Variants in ASS1 observed in about 807,000 individuals in gnomAD.
ASS1 encodes the protein argininosuccinate synthase.
Under a neutral mutation model 60.5 loss-of-function variants are expected in ASS1, and 58 were observed. The observed-to-expected ratio is 0.96, with a 90% CI of 0.78 to 1.19. The LOEUF is 1.19. Among genes scored for constraint, ASS1 ranks in the 50% most tolerant of loss-of-function variants. The probability of loss-of-function intolerance (pLI) is 0.00; values close to 1 mark genes in which losing one functional copy is unlikely to be tolerated. For synonymous variants in ASS1, 200 were observed against 206.9 expected (o/e 0.97, Z 0.29); for missense variants, 454 against 547.3 (o/e 0.83, Z 1.70).
In ASS1 at chr9:130,479,107, CA is replaced by C. The variant is rs776685739; in HGVS notation, c.689-608del. Among the ~76,000 whole-genome samples the C allele has an allele frequency of 6.5e-3, 988 of 152,068 alleles. 15 individuals are homozygous for C. The highest frequency in any genetic ancestry group is 0.02 in the African/African-American group (839 of 41,500). ...CAACCCCGAACCCACCCACTGCCCC[CA>C]CCCAACCCCTTCCCTCCTGCCACCC... On this transcript the variant is annotated intron_variant, in intron 9 of 14. Transcript: ENST00000352480.
At position 130,492,807 on chromosome 9, in the gene ASS1, G is replaced by A. The variant is rs570358295; in HGVS notation, c.971-2060G>A. Among the ~76,000 whole-genome samples, 9 of 152,314 alleles carry A rather than the reference G, an allele frequency of 5.9e-5. No individual in the cohort carries two copies. In the East Asian group the frequency reaches 1.7e-3, roughly 29 times the overall value. ...GGGTCCCTCTCCAGCTCAGCCCTAA[G>A]CCCCACCCACAGTGATCTGCAGGTC... is the stretch of plus-strand genomic sequence containing the variant. On this transcript the variant is annotated intron_variant, in intron 12 of 14. Transcript: ENST00000352480.
At chr9:130,500,527 C>G (rs1265559717) in intron 14 of ASS1, among the ~76,000 whole-genome samples, 1 of 152,138 alleles carries the variant, frequency 6.6e-6, no homozygotes, top group Non-Finnish European at 1.5e-5. Context: ...TCTCCCAGAG[C>G]CAGTCTCTTG....
intron 11 of ASS1, among the ~76,000 whole-genome samples, chr9:130,481,248 C>T (rs561662065): frequency 6.6e-6 from 1 of 152,242 alleles, no homozygotes; most frequent in Non-Finnish European, 1.5e-5. Flanking sequence ...TGAGGGTCTG[C>T]CAGTGTGTGA....
At chr9:130,446,044 G>A (rs1387751478) in intron 1 of ASS1, among the ~76,000 whole-genome samples, 1 of 152,168 alleles carries the variant, frequency 6.6e-6, no homozygotes, top group African/African-American at 2.4e-5. Flanking sequence ...CAGAGATGTG[G>A]ACTCGTCATG....
chr9:130,489,485 G>A lies in ASS1; in HGVS notation c.970+21G>A, dbSNP rs376668544. On this transcript the variant is annotated intron_variant, in intron 12 of 14. Coordinates refer to ENST00000352480, the MANE Select transcript of ASS1 (RefSeq NM_054012.4). This position sits in a 1 kb window ranked among gnomAD's most constrained non-coding sequence, Gnocchi z 4.1. ...TACCGGTGCGTAAGACTCTATGGCT[G>A]CCCCCTCTAACCGCCTCACAAGGGA... 9.3e-6 allele frequency: 15 copies of A among 1,613,776 alleles called. No homozygotes were observed. Among genetic ancestry groups the A allele is most frequent in the Non-Finnish European group, 1.1e-5 (13 of 1,179,940 alleles).
Position 130,491,120 on chromosome 9 carries a change from T to C in ASS1, c.970+1656T>C, listed in dbSNP as rs1432442813. On this transcript the variant is annotated intron_variant, in intron 12 of 14. Coordinates refer to ENST00000352480, the MANE Select transcript of ASS1 (RefSeq NM_054012.4). This position sits in a 1 kb window ranked among gnomAD's most constrained non-coding sequence, Gnocchi z 5.3. ...GATTTCGAGAGGGCTCGATGGTTAT[T>C]GGCTGGCGTTATTTCTCCCTGCCAT... Among the ~76,000 whole-genome samples, 1 of 152,196 alleles carries C rather than the reference T, an allele frequency of 6.6e-6. No homozygotes were observed.
At position 130,477,365 on chromosome 9, in the gene ASS1, G is replaced by A. The variant is rs1846046704; in HGVS notation, c.688+404G>A. On this transcript the variant is annotated intron_variant, in intron 9 of 14. Coordinates refer to ENST00000352480, the MANE Select transcript of ASS1 (RefSeq NM_054012.4). The surrounding 1 kb of genome is among the most constrained non-coding windows in gnomAD (Gnocchi z 4.2). The stretch of plus-strand genomic sequence containing the variant: ...CGTCCAGCCCTGGGCCCTGACCCCG[G>A]AAGGTGCTCAGTAAACGGTGAGTGT... Among the ~76,000 whole-genome samples, 1 of 152,210 alleles carries A rather than the reference G, an allele frequency of 6.6e-6. No individual in the cohort carries two copies. The highest frequency in any genetic ancestry group is 2.4e-5 in the African/African-American group (1 of 41,454).
At chr9:130,445,604 G>C (rs1432195780) in intron 1 of ASS1, among the ~76,000 whole-genome samples, 1 of 152,232 alleles carries the variant, frequency 6.6e-6, no homozygotes, top group East Asian at 1.9e-4. Flanking sequence ...CGGCCTCGCG[G>C]CGGGGTTTCC....
rs183370361 is a variant in ASS1, at chr9:130,458,520, C to A, written c.294C>A (p.Ile98=). 3 of 1,613,182 alleles carry A rather than the reference C, an allele frequency of 1.9e-6. No individual in the cohort carries two copies. The South Asian group carries it at 3.3e-5, about 18-fold the overall frequency. Residue 98 remains isoleucine, a synonymous_variant, in exon 4 of 15, where the codon ATC becomes ATA. Coordinates refer to ENST00000352480, the MANE Select transcript of ASS1 (RefSeq NM_054012.4). ...LLGTSLARPC[I]ARKQVEIAQR... The stretch of plus-strand genomic sequence containing the variant: ...GCACCTCTCTTGCCAGGCCCTGCAT[C>A]GCCCGCAAACAAGTGGAAATCGCCC...
chr9:130,457,544 C>T (rs755211318), intron 3 of ASS1, among the ~76,000 whole-genome samples: 6 of 152,214 alleles, frequency 3.9e-5, no homozygotes, highest in Non-Finnish European at 7.3e-5. Flanking sequence ...GTCTACATTT[C>T]AAGAACCATT....
intron 2 of ASS1, 24 bp from the exon 3 acceptor site, chr9:130,454,281 A>G (rs1195494821): frequency 6.2e-7 from 1 of 1,605,484 alleles, no homozygotes; most frequent in East Asian, 2.2e-5. Flanking sequence ...GGGCTGACGG[A>G]GCCTCTCCGC....
intron 5 of ASS1, among the ~76,000 whole-genome samples, chr9:130,464,655 T>C (rs1167218824): frequency 6.6e-6 from 1 of 152,134 alleles, no homozygotes; most frequent in Non-Finnish European, 1.5e-5. Flanking sequence ...CTTGAGCCTT[T>C]CCTGGGGTGG....
Position 130,494,754 on chromosome 9 carries a change from C to A in ASS1, c.971-113C>A. ...TTGTGCCAGTCTCGCGGGAGGCAGTCATGGTCTGCATGGCGGGGTAAACCA... is the reference window on the plus strand; with the variant it reads ...TTGTGCCAGTCTCGCGGGAGGCAGTAATGGTCTGCATGGCGGGGTAAACCA... On this transcript the variant is annotated intron_variant, in intron 12 of 14. Transcript: ENST00000352480. This position sits in a 1 kb window ranked among gnomAD's most constrained non-coding sequence, Gnocchi z 4.3. 7.2e-7 allele frequency: 1 copy of A among 1,392,790 alleles called. No individual in the cohort carries two copies. The highest frequency in any genetic ancestry group is 1.2e-5 in the South Asian group (1 of 84,524). 86.3% of individuals were successfully genotyped at this position (1,392,790 alleles called of 1,614,324 possible).
In ASS1 at chr9:130,458,418, C is replaced by T; in HGVS notation, c.192C>T (p.Val64=). The change falls in exon 4 of 15, where the codon GTC becomes GTT. Residue 64 remains valine (V), a synonymous_variant. Transcript: ENST00000352480. ...TCCCGTAGGTGTTCATTGAGGATGT[C>T]AGCAGGGAGTTTGTGGAGGAGTTCA... The part of the protein sequence containing the change: ...LGAKKVFIED[V]SREFVEEFIW... The T allele has an allele frequency of 6.2e-7, 1 of 1,612,012 alleles. No individual in the cohort carries two copies. Among genetic ancestry groups the T allele is most frequent in the African/African-American group, 1.3e-5 (1 of 74,974 alleles).
chr9:130,446,336 G>A (rs913077358), intron 1 of ASS1, among the ~76,000 whole-genome samples: 3 of 152,186 alleles, frequency 2.0e-5, no homozygotes, highest in African/African-American at 7.2e-5. Context: ...ACACGGACTG[G>A]GAAGCTTGGC....
chr9:130,466,103 C>T (rs1057209205), intron 5 of ASS1, among the ~76,000 whole-genome samples: 2 of 152,230 alleles, frequency 1.3e-5, no homozygotes, highest in African/African-American at 4.8e-5. Flanking sequence ...ATGACATCTC[C>T]ACCCCCACAC....
chr9:130,490,416 C>T (rs1166061401), intron 12 of ASS1, among the ~76,000 whole-genome samples: 1 of 152,100 alleles, frequency 6.6e-6, no homozygotes, highest in African/African-American at 2.4e-5. Flanking sequence ...CTGGTTCAAG[C>T]GATTCTCCTG....
intron 6 of ASS1, among the ~76,000 whole-genome samples, chr9:130,467,948 C>T (rs1473496820): frequency 1.3e-5 from 2 of 152,200 alleles, no homozygotes; most frequent in Admixed American, 6.5e-5. Flanking sequence ...GAGCACACTG[C>T]TGTCCTTCCT....
At chr9:130,463,634 G>GA (rs1252705140) in intron 4 of ASS1, among the ~76,000 whole-genome samples, 6 of 152,212 alleles carry the variant, frequency 3.9e-5, no homozygotes, top group Non-Finnish European at 5.9e-5. Flanking sequence ...AGCCATTGAA[G>GA]AGATGCGGAA....
Sources: gnomAD v4.1 joint callset for allele counts (sites outside exome capture counted in the v4.1 genomes callset) on GRCh38, gnomAD v4.1.1 for gene constraint, Gnocchi (gnomAD v3.1) non-coding constraint, MANE v1.5 for transcripts, NCBI Gene and HGNC (gene_info 2026-07-23, HGNC 2026-07-21) for gene names.